The following COMMD10 variants were observed in gnomAD, a reference collection of about 807,000 sequenced individuals.
COMMD10 encodes the protein COMM domain containing 10, also known as COMM domain-containing protein 10.
In COMMD10, 33 loss-of-function variants were observed where a neutral mutation model predicts 28.9. That is an observed-to-expected ratio of 1.14 (90% CI 0.87 to 1.53). The LOEUF is 1.53. Among genes scored for constraint, COMMD10 ranks in the 40% most tolerant of loss-of-function variants. COMMD10 has a pLI of 0.00. For synonymous variants in COMMD10, 110 were observed against 81.7 expected (o/e 1.35, Z -1.87); for missense variants, 310 against 233.4 (o/e 1.33, Z -2.14).
chr5:116,249,901 A>G (rs1370151065), intron 5 of COMMD10, among the ~76,000 whole-genome samples: 1 of 152,028 alleles, frequency 6.6e-6, no homozygotes, highest in East Asian at 1.9e-4. Context: ...TAATGATTTA[A>G]TTGTCTATGA....
At chr5:116,267,657 A>G (rs1379464262) in intron 5 of COMMD10, among the ~76,000 whole-genome samples, 1 of 151,944 alleles carries the variant, frequency 6.6e-6, no homozygotes, top group Non-Finnish European at 1.5e-5. Context: ...CATAAGCCAA[A>G]AGAACAAAGC....
chr5:116,187,462 T>C (rs1346441962), intron 5 of COMMD10, among the ~76,000 whole-genome samples: 1 of 152,094 alleles, frequency 6.6e-6, no homozygotes, highest in Non-Finnish European at 1.5e-5. Flanking sequence ...AGAGGTAATT[T>C]CTGAAGATAT....
intron 1 of COMMD10, among the ~76,000 whole-genome samples, chr5:116,086,439 G>A (rs910028125): frequency 1.3e-5 from 2 of 149,044 alleles, no homozygotes; most frequent in Non-Finnish European, 3.0e-5. Context: ...ACTTTGGGAG[G>A]CTGAGGCGGG....
intron 5 of COMMD10, among the ~76,000 whole-genome samples, chr5:116,175,916 T>C (rs1250419704): frequency 6.6e-6 from 1 of 152,084 alleles, no homozygotes; most frequent in African/African-American, 2.4e-5. Context: ...AGAGCTTCAG[T>C]TAAAGAAGAT....
At chr5:116,157,022 G>GT (rs1048268061) in intron 5 of COMMD10, among the ~76,000 whole-genome samples, 1 of 152,074 alleles carries the variant, frequency 6.6e-6, no homozygotes, top group Non-Finnish European at 1.5e-5. Flanking sequence ...AAATCCAAAT[G>GT]TTTATTAAGT....
chr5:116,210,711 C>CT (rs1049020688), intron 5 of COMMD10, among the ~76,000 whole-genome samples: 4 of 152,068 alleles, frequency 2.6e-5, no homozygotes, highest in Non-Finnish European at 5.9e-5. Context: ...TTCTTACTAC[C>CT]TTTATCACTG....
At chr5:116,100,721 G>A (rs1407851965) in intron 4 of COMMD10, among the ~76,000 whole-genome samples, 2 of 151,418 alleles carry the variant, frequency 1.3e-5, no homozygotes, top group African/African-American at 4.9e-5. Context: ...GAATATGATT[G>A]AAGGGATTTT....
intron 5 of COMMD10, among the ~76,000 whole-genome samples, chr5:116,231,982 C>T (rs1749541106): frequency 6.6e-6 from 1 of 152,094 alleles, no homozygotes; most frequent in Non-Finnish European, 1.5e-5. Context: ...CCCTCCATGG[C>T]AAAGGGGTCA....
Position 116,092,703 on chromosome 5 carries a change from A to AGAGACCGTTGGATGGCAGCT in COMMD10, c.399+3_399+4insGAGACCGTTGGATGGCAGCT. 6.3e-7 allele frequency: 1 copy of AGAGACCGTTGGATGGCAGCT among 1,578,352 alleles called. No homozygotes were observed. Among genetic ancestry groups the AGAGACCGTTGGATGGCAGCT allele is most frequent in the Non-Finnish European group, 8.6e-7 (1 of 1,161,774 alleles). On this transcript the variant is annotated splice_donor_region_variant and intron_variant, in intron 4 of 6. Coordinates refer to ENST00000274458, the MANE Select transcript of COMMD10 (RefSeq NM_016144.4). ...AGAGAATTCTGGCTCCCTGTAAGGT[A>AGAGACCGTTGGATGGCAGCT]TAGAACATACTGTCTTAAATATGTT...
At chr5:116,274,594 G>A (rs574475086) in intron 5 of COMMD10, among the ~76,000 whole-genome samples, 1 of 151,682 alleles carries the variant, frequency 6.6e-6, no homozygotes, top group African/African-American at 2.4e-5. Context: ...CCCCATCACT[G>A]CACCAAAATA....
intron 5 of COMMD10, among the ~76,000 whole-genome samples, chr5:116,266,646 CAG>C (rs1165385062): frequency 2.0e-5 from 3 of 150,620 alleles, no homozygotes; most frequent in Non-Finnish European, 4.5e-5. Flanking sequence ...TTTGTTTTCA[CAG>C]AGAATTTTAG....
chr5:116,210,062 A>G (rs184539444), intron 5 of COMMD10, among the ~76,000 whole-genome samples: 2 of 152,222 alleles, frequency 1.3e-5, no homozygotes, highest in East Asian at 3.9e-4. Flanking sequence ...TGCTTAGAAG[A>G]CAGAGAAAAA....
intron 5 of COMMD10, among the ~76,000 whole-genome samples, chr5:116,231,599 T>C (rs1158071850): frequency 3.3e-5 from 4 of 122,090 alleles, no homozygotes; most frequent in African/African-American, 6.7e-5. Flanking sequence ...GACAAACTTA[T>C]TATTTTCTTA....
intron 5 of COMMD10, among the ~76,000 whole-genome samples, chr5:116,212,630 A>G (rs1297907755): frequency 6.6e-6 from 1 of 151,950 alleles, no homozygotes; most frequent in East Asian, 1.9e-4. Flanking sequence ...TGTAAGCTGT[A>G]TACTATTTAA....
At chr5:116,248,994 A>T (rs1028480204) in intron 5 of COMMD10, among the ~76,000 whole-genome samples, 22 of 152,106 alleles carry the variant, frequency 1.4e-4, no homozygotes, top group Admixed American at 1.2e-3. Context: ...TGTGCCCATT[A>T]TTATACTTTT....
chr5:116,267,913 T>G (rs1750637242), intron 5 of COMMD10, among the ~76,000 whole-genome samples: 1 of 151,932 alleles, frequency 6.6e-6, no homozygotes, highest in African/African-American at 2.4e-5. Context: ...AAGCTGAAAC[T>G]GGATCCCTTC....
intron 5 of COMMD10, among the ~76,000 whole-genome samples, chr5:116,282,031 G>T (rs1751082342): frequency 6.6e-6 from 1 of 151,928 alleles, no homozygotes; most frequent in South Asian, 2.1e-4. Flanking sequence ...TGGCTCTCCA[G>T]ACATATATTG....
chr5:116,285,875 C>T (rs1751206723), intron 5 of COMMD10, among the ~76,000 whole-genome samples: 1 of 151,750 alleles, frequency 6.6e-6, no homozygotes, highest in Non-Finnish European at 1.5e-5. Context: ...ATACTGGCCT[C>T]ATTAGAATAA....
At chr5:116,096,975 C>A (rs1264028398) in intron 4 of COMMD10, among the ~76,000 whole-genome samples, 1 of 151,790 alleles carries the variant, frequency 6.6e-6, no homozygotes, top group Non-Finnish European at 1.5e-5. Context: ...TTTATACAGT[C>A]CGTTTTTTTC....
Sources: allele counts gnomAD v4.1 joint callset (sites outside exome capture counted in the v4.1 genomes callset), GRCh38; gene constraint gnomAD v4.1.1; transcripts MANE v1.5; gene names NCBI Gene and HGNC (gene_info 2026-07-23, HGNC 2026-07-21).